The following KCNAB1 variants were observed in gnomAD, a reference collection of about 807,000 sequenced individuals.
The protein encoded by KCNAB1 is potassium voltage-gated channel subfamily A regulatory beta subunit 1.
KCNAB1 carries 35 observed loss-of-function variants against 64.6 expected under a neutral mutation model. The ratio of observed to expected loss-of-function variants is 0.54; its 90% CI spans 0.41 to 0.72. KCNAB1 has a LOEUF of 0.72. KCNAB1 is among the 30% of genes least tolerant of loss of function. The pLI is 0.00. For synonymous variants in KCNAB1, 177 were observed against 183.8 expected, an observed-to-expected ratio of 0.96 and a Z score of 0.30; for missense variants, 401 against 512.9, an observed-to-expected ratio of 0.78 and a Z score of 2.11.
Position 156,428,203 on chromosome 3 carries a change from T to C in KCNAB1, c.319+6544T>C, listed in dbSNP as rs527893026. Among the ~76,000 whole-genome samples the C allele has an allele frequency of 2.0e-5, 3 of 152,280 alleles. No homozygotes were observed. The South Asian group carries it at 6.2e-4, about 32-fold the overall frequency. Reference sequence around the variant, plus strand: ...GAGTAAAGCCGATTGCCCTCCCTAATGTGGGTAGCACTTTCCCAATCAGTT... The same window carrying C: ...GAGTAAAGCCGATTGCCCTCCCTAACGTGGGTAGCACTTTCCCAATCAGTT... On this transcript the variant is annotated intron_variant, in intron 2 of 13. Transcript: ENST00000490337.
In KCNAB1 at chr3:156,417,446, C is replaced by T. The variant is rs540277615; in HGVS notation, c.276-4170C>T. Among the ~76,000 whole-genome samples the T allele has an allele frequency of 2.2e-4, 33 of 152,320 alleles. 1 individual carries two copies. The highest frequency in any genetic ancestry group is 7.2e-4 in the African/African-American group (30 of 41,582). Reference sequence around the variant, plus strand: ...GTCCCTGTTACGTCAACCTTTAAATCGGGGATTTTGCCCCATGCATATGCT... The same window carrying T: ...GTCCCTGTTACGTCAACCTTTAAATTGGGGATTTTGCCCCATGCATATGCT... On this transcript the variant is annotated intron_variant, in intron 1 of 13. Coordinates refer to ENST00000490337, the MANE Select transcript of KCNAB1 (RefSeq NM_172160.3).
At chr3:156,176,663 G>T in intron 1 of KCNAB1, 1 of 1,044,324 alleles carries the variant, frequency 9.6e-7, no homozygotes, top group Non-Finnish European at 1.5e-6. Flanking sequence ...TCCTGCAGAT[G>T]CTAAGGTGGA....
chr3:156,131,938 A>G (rs967691416), intron 1 of KCNAB1, among the ~76,000 whole-genome samples: 4 of 152,198 alleles, frequency 2.6e-5, no homozygotes, highest in African/African-American at 9.6e-5. Context: ...TTTGTGGGCC[A>G]GACCTGTAAG....
chr3:156,467,633 T>G (rs1180368773), intron 7 of KCNAB1, among the ~76,000 whole-genome samples: 1 of 151,988 alleles, frequency 6.6e-6, no homozygotes, highest in Non-Finnish European at 1.5e-5. Context: ...ATTTTAAATA[T>G]ATATATAAAC....
At chr3:156,431,523 C>T (rs1452141175) in intron 2 of KCNAB1, among the ~76,000 whole-genome samples, 1 of 152,160 alleles carries the variant, frequency 6.6e-6, no homozygotes, top group African/African-American at 2.4e-5. Flanking sequence ...GTGCAGTGTA[C>T]GTGGCTGAAT....
At chr3:156,400,173 C>G (rs1248498622) in intron 1 of KCNAB1, among the ~76,000 whole-genome samples, 1 of 152,190 alleles carries the variant, frequency 6.6e-6, no homozygotes, top group Non-Finnish European at 1.5e-5. Flanking sequence ...GAAAAGATTA[C>G]AAAAGTTTGA....
chr3:156,249,443 G>A (rs1328723444), intron 1 of KCNAB1, among the ~76,000 whole-genome samples: 7 of 151,876 alleles, frequency 4.6e-5, no homozygotes, highest in Non-Finnish European at 1.0e-4. Context: ...ATGATGGTGC[G>A]TGCCTGTAAC....
intron 1 of KCNAB1, chr3:156,142,928 T>G: frequency 3.7e-6 from 4 of 1,085,904 alleles, no homozygotes; most frequent in Non-Finnish European, 4.5e-6. Context: ...TTTAAAGGGA[T>G]GAGAAAAGTG....
rs569675988 is a variant in KCNAB1 at position 156,464,805 on chromosome 3, G to A, written c.528-838G>A. On this transcript the variant is annotated intron_variant, in intron 6 of 13. Transcript: ENST00000490337. ...TGAGAAATGTGGATTTTCATTGCCC[G>A]AGCTTTGATTCACAGTGCCATTGCT... 1.1e-4 allele frequency among the ~76,000 whole-genome samples: 16 copies of A among 152,160 alleles called. No homozygotes were observed. The South Asian group carries it at 2.1e-3, about 20-fold the overall frequency.
intron 1 of KCNAB1, among the ~76,000 whole-genome samples, chr3:156,194,943 C>A (rs143395222): frequency 5.3e-5 from 8 of 152,144 alleles, no homozygotes; most frequent in East Asian, 1.9e-4. Flanking sequence ...CCTTTCCCCC[C>A]ACCCCCAACA....
chr3:156,530,615 G>A (rs1410476065), intron 12 of KCNAB1, among the ~76,000 whole-genome samples: 1 of 152,182 alleles, frequency 6.6e-6, no homozygotes, highest in African/African-American at 2.4e-5. Context: ...CCCTGAAGTA[G>A]AAGCCAAAAA....
At chr3:156,218,261 G>A (rs1715448751) in intron 1 of KCNAB1, among the ~76,000 whole-genome samples, 1 of 152,136 alleles carries the variant, frequency 6.6e-6, no homozygotes. Flanking sequence ...ACTCAGCAGA[G>A]GCAGCCATAA....
intron 1 of KCNAB1, among the ~76,000 whole-genome samples, chr3:156,292,568 C>T (rs755036387): frequency 9.2e-5 from 14 of 152,112 alleles, no homozygotes; most frequent in Non-Finnish European, 2.1e-4. Flanking sequence ...GACAGAGTCT[C>T]GCTCTGTTGC....
intron 1 of KCNAB1, among the ~76,000 whole-genome samples, chr3:156,415,539 G>C (rs1248581280): frequency 6.6e-6 from 1 of 151,932 alleles, no homozygotes; most frequent in African/African-American, 2.4e-5. Context: ...CCACAAAGCT[G>C]AACATGAAGG....
At chr3:156,133,992 C>T (rs1714147972) in intron 1 of KCNAB1, among the ~76,000 whole-genome samples, 1 of 151,996 alleles carries the variant, frequency 6.6e-6, no homozygotes, top group African/African-American at 2.4e-5. Flanking sequence ...TTTCTAAATG[C>T]AGGAAATATT....
intron 1 of KCNAB1, chr3:156,291,992 G>A (rs1720467418): frequency 4.3e-6 from 7 of 1,613,964 alleles, no homozygotes; most frequent in Non-Finnish European, 5.9e-6. Flanking sequence ...GAGCTCCACC[G>A]CCCCCAATGT....
chr3:156,383,921 G>GGCC (rs1380480324), intron 1 of KCNAB1, among the ~76,000 whole-genome samples: 2 of 152,144 alleles, frequency 1.3e-5, no homozygotes, highest in African/African-American at 4.8e-5. Context: ...GGATGCTACA[G>GGCC]TCTGTCACCA....
At chr3:156,467,983 T>C (rs1713550088) in intron 7 of KCNAB1, among the ~76,000 whole-genome samples, 1 of 152,182 alleles carries the variant, frequency 6.6e-6, no homozygotes, top group African/African-American at 2.4e-5. Flanking sequence ...GCTATTTTTC[T>C]TTTGATTTCT....
chr3:156,310,171 TG>T (rs1721794676), intron 1 of KCNAB1, among the ~76,000 whole-genome samples: 1 of 152,002 alleles, frequency 6.6e-6, no homozygotes, highest in South Asian at 2.1e-4. Context: ...CTCAAAAAAA[TG>T]GGGTATTTCT....
Sources: gnomAD v4.1 joint callset for allele counts (sites outside exome capture counted in the v4.1 genomes callset) on GRCh38, gnomAD v4.1.1 for gene constraint, MANE v1.5 for transcripts, NCBI Gene and HGNC (gene_info 2026-07-23, HGNC 2026-07-21) for gene names.